Variants in ADCY1 observed in about 807,000 individuals in gnomAD.
ADCY1 encodes the protein adenylate cyclase type 1.
In ADCY1, 28 loss-of-function variants were observed where a neutral mutation model predicts 105.4. The observed-to-expected ratio is 0.27, with a 90% CI of 0.20 to 0.36. The LOEUF is 0.36. Ranked by LOEUF, ADCY1 falls within the 10% of genes least tolerant of loss-of-function variation. The pLI is 1.00. For missense variants in ADCY1, 977 were observed against 1,434.2 expected (o/e 0.68, Z 5.15); for synonymous variants, 655 against 623.8 (o/e 1.05, Z -0.75).
intron 8 of ADCY1, among the ~76,000 whole-genome samples, chr7:45,668,916 G>T (rs1430404532): frequency 3.3e-5 from 5 of 152,126 alleles, no homozygotes; most frequent in Admixed American, 1.3e-4. Context: ...GTTTATTTGC[G>T]TAGAAGTGTT....
chr7:45,588,869 ATGTGTGTGTGTGTG>A (rs55962124), intron 1 of ADCY1, among the ~76,000 whole-genome samples: 1 of 149,052 alleles, frequency 6.7e-6, no homozygotes, highest in Non-Finnish European at 1.5e-5. Context: ...CATTGCGTGT[ATGTGTGTGTGTGTG>A]TGTGTGTGTG....
intron 4 of ADCY1, among the ~76,000 whole-genome samples, chr7:45,623,604 G>A (rs1030439244): frequency 2.6e-5 from 4 of 152,272 alleles, no homozygotes; most frequent in Non-Finnish European, 5.9e-5. Context: ...GTTTTCCTCC[G>A]CTGCCCATGG....
intron 4 of ADCY1, among the ~76,000 whole-genome samples, chr7:45,631,503 C>T (rs1376674469): frequency 6.6e-6 from 1 of 152,234 alleles, no homozygotes; most frequent in Non-Finnish European, 1.5e-5. Context: ...TCCTTAAATA[C>T]TTGTTTTACA....
At chr7:45,582,724 T>C (rs1792596373) in intron 1 of ADCY1, among the ~76,000 whole-genome samples, 1 of 152,160 alleles carries the variant, frequency 6.6e-6, no homozygotes, top group South Asian at 2.1e-4. Context: ...CAGTGGAGCA[T>C]GGGGTGTCTT....
intron 2 of ADCY1, among the ~76,000 whole-genome samples, chr7:45,593,692 C>CA (rs1198069918): frequency 6.6e-6 from 1 of 152,226 alleles, no homozygotes; most frequent in African/African-American, 2.4e-5. Flanking sequence ...CCAAACTGCT[C>CA]ATGTCTCAGG....
chr7:45,627,564 G>A (rs866349263), intron 4 of ADCY1, among the ~76,000 whole-genome samples: 4 of 152,168 alleles, frequency 2.6e-5, no homozygotes, highest in Non-Finnish European at 5.9e-5. Flanking sequence ...TGTCCTCTCC[G>A]ATGGATTCTA....
intron 14 of ADCY1, among the ~76,000 whole-genome samples, chr7:45,697,978 A>G (rs117148748): frequency 1.3e-5 from 2 of 152,176 alleles, no homozygotes; most frequent in Admixed American, 6.5e-5. Context: ...ATGAACTCCA[A>G]TTCCCCCAGC....
At chr7:45,577,501 G>A (rs1389628575) in intron 1 of ADCY1, among the ~76,000 whole-genome samples, 2 of 152,182 alleles carry the variant, frequency 1.3e-5, no homozygotes, top group East Asian at 1.9e-4. Flanking sequence ...GACAGCACAC[G>A]CATTTACACA....
chr7:45,580,275 T>C (rs1457751221), intron 1 of ADCY1, among the ~76,000 whole-genome samples: 1 of 152,160 alleles, frequency 6.6e-6, no homozygotes, highest in Non-Finnish European at 1.5e-5. Context: ...GAAGGAGCCC[T>C]AGACATGTGC....
At chr7:45,701,993 C>T (rs1785007649) in intron 14 of ADCY1, among the ~76,000 whole-genome samples, 1 of 152,236 alleles carries the variant, frequency 6.6e-6, no homozygotes. Flanking sequence ...GATTCGCTGG[C>T]ATTGTCTTCC....
rs1311923934 is a variant in ADCY1, at chr7:45,574,882, C to T, written c.339C>T (p.Ser113=). ...LALLVVTNVR[S]LQVPQLQQVG... is the part of the protein sequence containing the mutation. ...TGCTCGTGGTAACCAACGTCCGGTC[C>T]CTGCAGGTGCCCCAGCTGCAGCAGG... Residue 113 remains serine, a synonymous_variant, in exon 1 of 20, where the codon TCC becomes TCT. Coordinates refer to ENST00000297323, the MANE Select transcript of ADCY1 (RefSeq NM_021116.4). This position sits in a 1 kb window ranked among gnomAD's most constrained non-coding sequence, Gnocchi z 7.0. 6.2e-7 allele frequency: 1 copy of T among 1,611,948 alleles called. No individual in the cohort carries two copies. Among genetic ancestry groups the T allele is most frequent in the East Asian group, 2.2e-5 (1 of 44,828 alleles).
At chr7:45,593,251 G>C (rs1792979160) in intron 2 of ADCY1, among the ~76,000 whole-genome samples, 1 of 152,196 alleles carries the variant, frequency 6.6e-6, no homozygotes, top group Non-Finnish European at 1.5e-5. Context: ...CCGTGCAGGT[G>C]GCCCTGATCC....
In ADCY1 at chr7:45,686,965, C is replaced by T. The variant is rs2116213499; in HGVS notation, c.2454+292C>T. ...TGGCTCTTTCACGAGGCAGTGAGTC[C>T]CCCTTCACTGAACAGCATGTGCAGT... On this transcript the variant is annotated intron_variant, in intron 14 of 19. Coordinates refer to ENST00000297323, the MANE Select transcript of ADCY1 (RefSeq NM_021116.4). The surrounding 1 kb of genome is among the most constrained non-coding windows in gnomAD (Gnocchi z 4.3). 6.6e-6 allele frequency among the ~76,000 whole-genome samples: 1 copy of T among 152,226 alleles called. No homozygotes were observed. The highest frequency in any genetic ancestry group is 2.1e-4 in the South Asian group (1 of 4,822).
In ADCY1 at chr7:45,604,588, T is replaced by C. The variant is rs1228781787; in HGVS notation, c.790-5791T>C. Among the ~76,000 whole-genome samples, 3 of 152,200 alleles carry C rather than the reference T, an allele frequency of 2.0e-5. No homozygotes were observed. In the East Asian group the frequency reaches 5.8e-4, roughly 29 times the overall value. ...CATTTGTTGAAAAGACTACCCTTCC[T>C]CCATTGAATTACTTTTGAACCTTTG... is the stretch of plus-strand genomic sequence containing the variant. On this transcript the variant is annotated intron_variant, in intron 2 of 19. Coordinates refer to ENST00000297323, the MANE Select transcript of ADCY1 (RefSeq NM_021116.4).
At chr7:45,661,045 G>T (rs558184479) in intron 7 of ADCY1, among the ~76,000 whole-genome samples, 4 of 150,306 alleles carry the variant, frequency 2.7e-5, no homozygotes, top group African/African-American at 9.8e-5. Flanking sequence ...GGGGAGGGTC[G>T]ATGCCTCAGG....
At chr7:45,654,019 A>G (rs1400957465) in intron 5 of ADCY1, among the ~76,000 whole-genome samples, 2 of 152,222 alleles carry the variant, frequency 1.3e-5, no homozygotes, top group Non-Finnish European at 2.9e-5. Flanking sequence ...AAAATGGAGA[A>G]ACAGTGTTTG....
chr7:45,592,602 G>A (rs901879571), intron 1 of ADCY1, among the ~76,000 whole-genome samples, 157 bp from the exon 2 acceptor site: 1 of 152,170 alleles, frequency 6.6e-6, no homozygotes. Context: ...ACGAGCTCCT[G>A]CCCGGCTGAC....
In ADCY1 at chr7:45,678,169, C is replaced by T. The variant is rs747116470; in HGVS notation, c.1804C>T (p.His602Tyr). 1.2e-6 allele frequency: 2 copies of T among 1,614,184 alleles called. No individual in the cohort carries two copies. Among genetic ancestry groups the T allele is most frequent in the Non-Finnish European group, 1.7e-6 (2 of 1,180,028 alleles). ...GATTGACTTCTCTCTTACACAGTACCACCAGCTTCAGGACGAGTATTTCAC... is the reference window on the plus strand; with the variant it reads ...GATTGACTTCTCTCTTACACAGTACTACCAGCTTCAGGACGAGTATTTCAC... ...YKHVEREQKY[H>Y]QLQDEYFTSA... The change falls in exon 10 of 20, where the codon CAC becomes TAC. Residue 602 changes from histidine (H) to tyrosine (Y), a missense_variant. Physicochemically the swap from His to Tyr is moderately conservative, Grantham distance 83. This residue lies in a region of ADCY1 where 275 missense variants were observed against 362.1 expected (regional missense o/e 0.76). Coordinates refer to ENST00000297323, the MANE Select transcript of ADCY1 (RefSeq NM_021116.4).
intron 1 of ADCY1, among the ~76,000 whole-genome samples, chr7:45,576,166 A>G (rs539366781): frequency 1.3e-5 from 2 of 152,210 alleles, no homozygotes; most frequent in Admixed American, 6.5e-5. Context: ...CACGAAAGGA[A>G]GCAGTGGTGG....
Sources: gnomAD v4.1 joint callset for allele counts (sites outside exome capture counted in the v4.1 genomes callset) on GRCh38, gnomAD v4.1.1 for gene constraint, gnomAD v4.1.1 regional missense constraint, Gnocchi (gnomAD v3.1) non-coding constraint, MANE v1.5 for transcripts, NCBI Gene and HGNC (gene_info 2026-07-23, HGNC 2026-07-21) for gene names.